The following MYOM1 variants were observed in gnomAD, a reference collection of about 807,000 sequenced individuals.
The protein encoded by MYOM1 is myomesin 1.
MYOM1 carries 164 observed loss-of-function variants against 205.3 expected under a neutral mutation model. That is an observed-to-expected ratio of 0.80 (90% confidence interval 0.70 to 0.91). The LOEUF (loss-of-function observed/expected upper bound fraction) is 0.91. Ranked by LOEUF, MYOM1 falls within the 40% of genes least tolerant of loss-of-function variation. The pLI is 0.00. For synonymous variants in MYOM1, 772 were observed against 789.4 expected (o/e 0.98, Z 0.37); for missense variants, 2,011 against 2,127.3 (o/e 0.95, Z 1.08).
At chr18:3,154,491 A>C (rs2080264386) in intron 11 of MYOM1, among the ~76,000 whole-genome samples, 1 of 151,864 alleles carries the variant, frequency 6.6e-6, no homozygotes, top group Non-Finnish European at 1.5e-5. Context: ...TCCAAAGATG[A>C]ATTTTGTGAC....
chr18:3,074,072 C>T (rs2078993447), intron 36 of MYOM1, among the ~76,000 whole-genome samples: 1 of 152,184 alleles, frequency 6.6e-6, no homozygotes, highest in African/African-American at 2.4e-5. Context: ...AAGGTTGCTT[C>T]CAGTTCTAAA....
intron 13 of MYOM1, among the ~76,000 whole-genome samples, chr18:3,146,526 G>T (rs184799482): frequency 1.3e-5 from 2 of 151,990 alleles, no homozygotes; most frequent in African/African-American, 2.4e-5. Context: ...TCATACGATC[G>T]TCTCAATAGA....
intron 21 of MYOM1, among the ~76,000 whole-genome samples, chr18:3,113,801 G>A (rs2079564185): frequency 6.6e-6 from 1 of 152,166 alleles, no homozygotes; most frequent in Non-Finnish European, 1.5e-5. Flanking sequence ...CCCAAGATGT[G>A]ATAGAGACCA....
In MYOM1 at chr18:3,216,358, T is replaced by C. The variant is rs187293813; in HGVS notation, c.-28-1107A>G. ...CCTTGTACAGAACTGTACAGTCTAC[T>C]GCAGGAGAAAGACAATAGAGAAAAC... On this transcript the variant is annotated intron_variant, in intron 1 of 37. Transcript: ENST00000356443. Among the ~76,000 whole-genome samples, 4 of 152,324 alleles carry C rather than the reference T, an allele frequency of 2.6e-5. No homozygotes were observed. The East Asian group carries it at 7.7e-4, about 29-fold the overall frequency.
chr18:3,091,401 C>T (rs1363392447), intron 26 of MYOM1, among the ~76,000 whole-genome samples: 2 of 151,738 alleles, frequency 1.3e-5, no homozygotes, highest in African/African-American at 4.8e-5. Context: ...ATCTCTTGAA[C>T]CCAGGAGGTC....
intron 10 of MYOM1, among the ~76,000 whole-genome samples, chr18:3,157,688 AT>A (rs2080322230): frequency 1.9e-5 from 2 of 105,364 alleles, no homozygotes; most frequent in Non-Finnish European, 4.1e-5. Flanking sequence ...AAAAATAATA[AT>A]AATAATAATA....
chr18:3,147,142 A>G (rs1479669266), intron 13 of MYOM1, among the ~76,000 whole-genome samples: 1 of 140,834 alleles, frequency 7.1e-6, no homozygotes, highest in Non-Finnish European at 1.5e-5. Flanking sequence ...TTATAGATAA[A>G]TATATATATT....
chr18:3,154,894 G>C, intron 11 of MYOM1, 53 bp downstream of exon 11: 1 of 1,559,014 alleles, frequency 6.4e-7, no homozygotes. Context: ...GAGAAATCAA[G>C]CACGCATCTC....
chr18:3,100,116 A>C, intron 25 of MYOM1, 43 bp downstream of exon 25: 1 of 1,606,350 alleles, frequency 6.2e-7, no homozygotes, highest in Non-Finnish European at 8.5e-7. Flanking sequence ...GTTGCTGCCT[A>C]GTAAGACTGC....
intron 14 of MYOM1, among the ~76,000 whole-genome samples, chr18:3,141,492 C>G (rs1018282455): frequency 1.3e-5 from 2 of 152,178 alleles, no homozygotes; most frequent in African/African-American, 2.4e-5. Flanking sequence ...ACACTCCCGG[C>G]CATTTGAGAG....
intron 9 of MYOM1, 103 bp from the exon 10 acceptor site, chr18:3,164,542 A>G (rs957666678): frequency 2.7e-6 from 3 of 1,106,572 alleles, no homozygotes; most frequent in Non-Finnish European, 3.8e-6. Context: ...TAATGAAAGT[A>G]ATTTAACTAC....
chr18:3,187,722 G>A, intron 4 of MYOM1, 85 bp from the exon 5 acceptor site: 1 of 1,298,022 alleles, frequency 7.7e-7, no homozygotes, highest in Non-Finnish European at 1.0e-6. Flanking sequence ...ACAAGTAGAA[G>A]GCAAAAGTTT....
chr18:3,232,817 T>C, the MYOM1 span, among the ~76,000 whole-genome samples: 1 of 146,644 alleles, frequency 6.8e-6, no homozygotes, highest in Non-Finnish European at 1.5e-5. Flanking sequence ...CCAACTGTAT[T>C]TCACATAAAT....
intron 15 of MYOM1, 58 bp from the exon 16 acceptor site, chr18:3,134,882 A>G: frequency 6.5e-7 from 1 of 1,540,022 alleles, no homozygotes; most frequent in East Asian, 2.2e-5. Flanking sequence ...CATCCTTATC[A>G]TCTATGCACA....
intron 8 of MYOM1, among the ~76,000 whole-genome samples, chr18:3,173,076 G>A (rs2080584390): frequency 6.6e-6 from 1 of 152,052 alleles, no homozygotes; most frequent in Admixed American, 6.6e-5. Context: ...CCAAATTAGG[G>A]CTTGACTACC....
chr18:3,220,193 A>G (rs1306107019), upstream of MYOM1: 1 of 152,248 alleles, frequency 6.6e-6, no homozygotes, highest in African/African-American at 2.4e-5. Flanking sequence ...TTATCAGTAG[A>G]TAATTTAAAA....
chr18:3,120,886 G>C (rs1486106770), intron 19 of MYOM1, among the ~76,000 whole-genome samples: 3 of 152,156 alleles, frequency 2.0e-5, no homozygotes, highest in Non-Finnish European at 4.4e-5. Flanking sequence ...TTGCAAAATA[G>C]AAGTGATGGA....
At chr18:3,083,427 C>CT (rs35959808) in intron 33 of MYOM1, among the ~76,000 whole-genome samples, 51,146 of 98,356 alleles carry the variant, frequency 0.52, 16,263 homozygotes, top group Non-Finnish European at 0.63. Flanking sequence ...TTTTCTTTTT[C>CT]TTTTTTTTTT....
intron 16 of MYOM1, among the ~76,000 whole-genome samples, chr18:3,132,022 TTAA>T (rs2079882633): frequency 6.0e-5 from 8 of 132,508 alleles, no homozygotes; most frequent in African/African-American, 1.3e-4. Context: ...ATTATTAGTA[TTAA>T]TATTATTATA....
Sources: gnomAD v4.1 joint callset for allele counts (sites outside exome capture counted in the v4.1 genomes callset) on GRCh38, gnomAD v4.1.1 for gene constraint, MANE v1.5 for transcripts, NCBI Gene and HGNC (gene_info 2026-07-23, HGNC 2026-07-21) for gene names.